The following GFRAL variants were observed in gnomAD, a reference collection of about 807,000 sequenced individuals.
The protein encoded by GFRAL is GDNF family receptor alpha like.
A neutral mutation model predicts 45.4 loss-of-function variants in GFRAL; 36 were observed. The observed-to-expected ratio is 0.79, with a 90% confidence interval of 0.61 to 1.05. GFRAL has a LOEUF of 1.05. Among genes scored for constraint, GFRAL ranks in the 50% least tolerant of loss-of-function variants. GFRAL has a pLI of 0.00. For missense variants in GFRAL, 507 were observed against 467.5 expected, an observed-to-expected ratio of 1.08 and a Z score of -0.78; for synonymous variants, 166 against 154.1, an observed-to-expected ratio of 1.08 and a Z score of -0.57.
intron 6 of GFRAL, among the ~76,000 whole-genome samples, chr6:55,395,324 A>C (rs1226954825): frequency 6.6e-6 from 1 of 151,694 alleles, no homozygotes; most frequent in Non-Finnish European, 1.5e-5. Context: ...TTTCATTGAA[A>C]GTATTCCATA....
intron 6 of GFRAL, among the ~76,000 whole-genome samples, chr6:55,372,978 T>C (rs888149640): frequency 6.6e-6 from 1 of 151,988 alleles, no homozygotes; most frequent in Non-Finnish European, 1.5e-5. Flanking sequence ...TTGTGGCACC[T>C]TGTAATAGAC....
intron 3 of GFRAL, among the ~76,000 whole-genome samples, chr6:55,334,449 G>T (rs191141461): frequency 6.6e-6 from 1 of 152,146 alleles, no homozygotes; most frequent in African/African-American, 2.4e-5. Flanking sequence ...CTGGAGTAGG[G>T]GTGATCAGTT....
chr6:55,375,852 G>C (rs552438869), intron 6 of GFRAL, among the ~76,000 whole-genome samples: 1 of 151,804 alleles, frequency 6.6e-6, no homozygotes, highest in Non-Finnish European at 1.5e-5. Context: ...CCTTTATTTC[G>C]TTCCCTTGCC....
intron 5 of GFRAL, among the ~76,000 whole-genome samples, chr6:55,352,408 T>C (rs1768130017): frequency 6.6e-6 from 1 of 152,108 alleles, no homozygotes; most frequent in Admixed American, 6.6e-5. Flanking sequence ...TTATCTGGGC[T>C]GTCCATTGAT....
At chr6:55,352,112 A>G (rs1768126207) in intron 5 of GFRAL, among the ~76,000 whole-genome samples, 1 of 152,098 alleles carries the variant, frequency 6.6e-6, no homozygotes, top group African/African-American at 2.4e-5. Context: ...TCAGGCTTTA[A>G]TACTGTTCAA....
chr6:55,343,105 T>C (rs1562050332), intron 3 of GFRAL, among the ~76,000 whole-genome samples: 1 of 152,158 alleles, frequency 6.6e-6, no homozygotes, highest in East Asian at 1.9e-4. Context: ...ACTGTCAACA[T>C]TAGACAGATC....
At position 55,351,556 on chromosome 6, in the gene GFRAL, G is replaced by A. The variant is rs199980249; in HGVS notation, c.674G>A (p.Arg225His). Reference sequence around the variant, plus strand: ...CCCCCTACTTGCCTCAGTGTAATTCGCAGCTGCCAAAATGATGAATTATGC... The same window carrying A: ...CCCCCTACTTGCCTCAGTGTAATTCACAGCTGCCAAAATGATGAATTATGC... ...VPPPTCLSVI[R>H]SCQNDELCRR... Residue 225 changes from arginine (R) to histidine (H), a missense_variant, in exon 5 of 9, where the codon CGC (arginine) becomes CAC (histidine). Physicochemically the swap from Arg to His is conservative, Grantham distance 29. Transcript: ENST00000340465. 49 of 1,599,230 alleles carry A rather than the reference G, an allele frequency of 3.1e-5. No homozygotes were observed. The highest frequency in any genetic ancestry group is 6.7e-5 in the Admixed American group (4 of 59,342).
In GFRAL at chr6:55,355,521, A is replaced by G. The variant is rs377359504; in HGVS notation, c.702-3367A>G. ...GGACTACTTTGAAGATTTGTTTTTC[A>G]GATTGCTTGCTGTTAGCATATAGAA... On this transcript the variant is annotated intron_variant, in intron 5 of 8. Coordinates refer to ENST00000340465, the MANE Select transcript of GFRAL (RefSeq NM_207410.2). Among the ~76,000 whole-genome samples, 794 of 152,088 alleles carry G rather than the reference A, an allele frequency of 5.2e-3. 8 individuals carry two copies. Among genetic ancestry groups the G allele is most frequent in the African/African-American group, 0.018 (759 of 41,530 alleles).
chr6:55,398,903 T>C (rs1019654583), intron 6 of GFRAL, among the ~76,000 whole-genome samples: 1 of 152,148 alleles, frequency 6.6e-6, no homozygotes, highest in African/African-American at 2.4e-5. Flanking sequence ...TTCTTGTCTG[T>C]ATATAAGATA....
intron 3 of GFRAL, among the ~76,000 whole-genome samples, chr6:55,349,694 G>T (rs1768088562): frequency 6.6e-6 from 1 of 151,714 alleles, no homozygotes; most frequent in Non-Finnish European, 1.5e-5. Context: ...TCATACTAAA[G>T]AAGACCCTTC....
chr6:55,389,705 C>T (rs1265591005), intron 6 of GFRAL, among the ~76,000 whole-genome samples: 1 of 152,158 alleles, frequency 6.6e-6, no homozygotes, highest in Non-Finnish European at 1.5e-5. Flanking sequence ...TTCTACTATG[C>T]TACACTACTC....
At chr6:55,361,944 C>T (rs927097176) in intron 6 of GFRAL, among the ~76,000 whole-genome samples, 1 of 151,992 alleles carries the variant, frequency 6.6e-6, no homozygotes, top group Non-Finnish European at 1.5e-5. Context: ...GTTTCTCAAA[C>T]TCATTTGAGC....
In GFRAL at chr6:55,333,791, G is replaced by C; in HGVS notation, c.163G>C (p.Gly55Arg). ...MEDACNDSDP[G>R]DPCKMRNSSY... is the part of the protein sequence containing the mutation. Reference sequence around the variant, plus strand: ...GTTATGTGTTTGATTGTGAGATCCAGGTGACCCCTGCAAGATGAGGAATTC... The same window carrying C: ...GTTATGTGTTTGATTGTGAGATCCACGTGACCCCTGCAAGATGAGGAATTC... The change falls in exon 3 of 9, where the codon GGT becomes CGT. Residue 55 changes from glycine to arginine, a missense_variant. Gly to Arg is a moderately radical substitution (Grantham distance 125, BLOSUM62 -2). Coordinates refer to ENST00000340465, the MANE Select transcript of GFRAL (RefSeq NM_207410.2). 4 of 1,589,488 alleles carry C rather than the reference G, an allele frequency of 2.5e-6. 1 individual carries two copies. The South Asian group carries it at 4.6e-5, about 18-fold the overall frequency.
intron 3 of GFRAL, among the ~76,000 whole-genome samples, chr6:55,337,704 G>C (rs1767910112): frequency 6.6e-6 from 1 of 151,984 alleles, no homozygotes. Context: ...TTTCTTTTTG[G>C]TTTCTATCTC....
At chr6:55,353,795 ATTG>A (rs1329115522) in intron 5 of GFRAL, among the ~76,000 whole-genome samples, 1 of 151,996 alleles carries the variant, frequency 6.6e-6, no homozygotes, top group Non-Finnish European at 1.5e-5. Context: ...TTTTGTTGTT[ATTG>A]TTGTTGTACA....
chr6:55,396,514 G>A (rs115539926), intron 6 of GFRAL, among the ~76,000 whole-genome samples: 6,531 of 151,982 alleles, frequency 0.043, 201 homozygotes, highest in African/African-American at 0.074. Context: ...ATCATCTAAT[G>A]TATATTGTAT....
At chr6:55,389,384 A>G (rs1768718823) in intron 6 of GFRAL, among the ~76,000 whole-genome samples, 2 of 152,044 alleles carry the variant, frequency 1.3e-5, no homozygotes, top group South Asian at 2.1e-4. Context: ...GCCCTATTAA[A>G]TCAAAACGTA....
At chr6:55,400,000 A>G (rs1032409929) in intron 8 of GFRAL, among the ~76,000 whole-genome samples, 5 of 152,160 alleles carry the variant, frequency 3.3e-5, no homozygotes, top group African/African-American at 1.2e-4. Flanking sequence ...GGCTGCTTTT[A>G]TTGCTGGAAT....
chr6:55,344,762 C>T (rs1768015838), intron 3 of GFRAL, among the ~76,000 whole-genome samples: 1 of 152,166 alleles, frequency 6.6e-6, no homozygotes, highest in Non-Finnish European at 1.5e-5. Flanking sequence ...TCCCTGTTTG[C>T]AGATGACATG....
Sources: allele counts gnomAD v4.1 joint callset (sites outside exome capture counted in the v4.1 genomes callset), GRCh38; gene constraint gnomAD v4.1.1; transcripts MANE v1.5; gene names NCBI Gene and HGNC (gene_info 2026-07-23, HGNC 2026-07-21).